The following AQR variants were observed in gnomAD, a reference collection of about 807,000 sequenced individuals.
AQR encodes aquarius intron-binding spliceosomal factor, also known as RNA helicase aquarius.
In AQR, 61 loss-of-function variants were observed where a neutral mutation model predicts 180.5. The observed-to-expected ratio is 0.34, with a 90% CI of 0.28 to 0.42. AQR has a LOEUF of 0.42. Ranked by LOEUF, AQR falls within the 10% of genes least tolerant of loss-of-function variation. AQR has a pLI of 1.00. For missense variants in AQR, 1,281 were observed against 1,798.3 expected (o/e 0.71, Z 5.20); for synonymous variants, 551 against 588.8 (o/e 0.94, Z 0.93).
chr15:34,871,035 T>C (rs1248986262), intron 30 of AQR, 113 bp from the exon 31 acceptor site: 5 of 972,962 alleles, frequency 5.1e-6, no homozygotes, highest in Non-Finnish European at 7.5e-6. Flanking sequence ...CTGCAAGAAG[T>C]GAAGACTTAG....
At chr15:34,950,923 C>T (rs889105869) in intron 4 of AQR, among the ~76,000 whole-genome samples, 1 of 152,144 alleles carries the variant, frequency 6.6e-6, no homozygotes, top group Non-Finnish European at 1.5e-5. Context: ...AAAGTCTTAT[C>T]TTGGGTGTTA....
chr15:34,884,738 T>A lies in AQR; in HGVS notation c.2818-4A>T, dbSNP rs749610526. On this transcript the variant is annotated splice_region_variant and splice_polypyrimidine_tract_variant and intron_variant, in intron 25 of 34. Transcript: ENST00000156471. ...ACTCTTCCCAGCGAGACATTACCTG[T>A]AGAAAAAAGGACTTGAAGTTAACTG... 5 of 1,589,406 alleles carry A rather than the reference T, an allele frequency of 3.1e-6. No individual in the cohort carries two copies. In the South Asian group the frequency reaches 5.8e-5, roughly 19 times the overall value.
chr15:34,941,236 CAATT>C (rs949577039), intron 7 of AQR, among the ~76,000 whole-genome samples: 8 of 152,214 alleles, frequency 5.3e-5, no homozygotes, highest in Middle Eastern at 3.4e-3. Flanking sequence ...GCTCAATAAT[CAATT>C]AATTTTTTAT....
chr15:34,924,132 G>A (rs1393793445), intron 13 of AQR, among the ~76,000 whole-genome samples: 1 of 152,092 alleles, frequency 6.6e-6, no homozygotes, highest in East Asian at 1.9e-4. Context: ...AATTTTTAAA[G>A]AAACTACCAC....
intron 23 of AQR, among the ~76,000 whole-genome samples, chr15:34,891,428 T>G (rs1047282197): frequency 2.6e-5 from 4 of 152,172 alleles, no homozygotes; most frequent in Non-Finnish European, 5.9e-5. Flanking sequence ...GAATTATACA[T>G]GCAAATGAAG....
At chr15:34,887,389 C>T (rs915888493) in intron 24 of AQR, among the ~76,000 whole-genome samples, 1 of 152,198 alleles carries the variant, frequency 6.6e-6, no homozygotes, top group Non-Finnish European at 1.5e-5. Context: ...TTTTACACTA[C>T]ATAAAAGTAG....
chr15:34,854,075 A>T lies in AQR; in HGVS notation c.*2717T>A, dbSNP rs557168591. The T allele has an allele frequency of 5.3e-5, 8 of 151,942 alleles. No homozygotes were observed. The highest frequency in any genetic ancestry group is 1.9e-4 in the African/African-American group (8 of 41,352). The allele number at this position is 151,942 out of a possible 1,614,324, so 9.4% of individuals were successfully genotyped here. On this transcript the variant is annotated 3_prime_UTR_variant, in exon 35 of 35. Transcript: ENST00000156471. ...CTTTGGGAGTCTTGATGATGTTTAA[A>T]TCTTCTCATTCATTTGCCTAAATCA...
chr15:34,934,954 T>TA (rs777094911), intron 9 of AQR, among the ~76,000 whole-genome samples: 4 of 152,222 alleles, frequency 2.6e-5, no homozygotes, highest in African/African-American at 7.2e-5. Context: ...TGAAAAAACT[T>TA]AGAGATATAA....
chr15:34,899,151 G>A (rs1346808289), intron 20 of AQR, among the ~76,000 whole-genome samples: 3 of 151,762 alleles, frequency 2.0e-5, no homozygotes, highest in Non-Finnish European at 4.4e-5. Context: ...CAGCCTGGGC[G>A]ACAGAGCAAG....
intron 16 of AQR, among the ~76,000 whole-genome samples, chr15:34,912,944 G>T (rs1323417895): frequency 2.6e-5 from 4 of 152,156 alleles, no homozygotes; most frequent in African/African-American, 4.8e-5. Context: ...CAATGGCTTG[G>T]TTAGTATTGG....
intron 20 of AQR, among the ~76,000 whole-genome samples, chr15:34,897,987 A>G (rs140763321): frequency 5.5e-4 from 84 of 152,314 alleles, no homozygotes; most frequent in African/African-American, 1.8e-3. Flanking sequence ...TGTTTTATTC[A>G]TTGTCTGTCC....
At chr15:34,955,626 C>T (rs939644357) in intron 3 of AQR, among the ~76,000 whole-genome samples, 7 of 152,068 alleles carry the variant, frequency 4.6e-5, no homozygotes, top group Non-Finnish European at 1.0e-4. Flanking sequence ...AAGCCAGCTA[C>T]GCCAGGCACA....
At chr15:34,964,709 TC>T (rs11325754) in intron 1 of AQR, among the ~76,000 whole-genome samples, 100,145 of 151,160 alleles carry the variant, frequency 0.66, 34,636 homozygotes, top group South Asian at 0.78. Flanking sequence ...ATGAATGCTT[TC>T]CTAAAATAAT....
intron 3 of AQR, among the ~76,000 whole-genome samples, chr15:34,959,114 CT>C (rs1894378013): frequency 6.6e-6 from 1 of 152,160 alleles, no homozygotes; most frequent in Non-Finnish European, 1.5e-5. Context: ...TTCTGTTGTA[CT>C]GTTAGCATCG....
rs1224294637 is a variant in AQR, at chr15:34,852,192, A to T, written c.*4600T>A. The T allele has an allele frequency of 2.8e-4, 39 of 137,202 alleles. No individual in the cohort carries two copies. Among genetic ancestry groups the T allele is most frequent in the African/African-American group, 1.1e-3 (36 of 34,046 alleles). 8.5% of individuals were successfully genotyped at this position (137,202 alleles called of 1,614,324 possible). A position where few individuals can be genotyped will look rare whatever the true frequency, so the allele number is the denominator to read the frequency against. Reference sequence around the variant, plus strand: ...AAGTTATGTTTTTTTTTTTTTTTTGAAGGAGTTTTTGCTCGTCGCCCAGGC... The same window carrying T: ...AAGTTATGTTTTTTTTTTTTTTTTGTAGGAGTTTTTGCTCGTCGCCCAGGC... On this transcript the variant is annotated 3_prime_UTR_variant, in exon 35 of 35. Coordinates refer to ENST00000156471, the MANE Select transcript of AQR (RefSeq NM_014691.3).
At chr15:34,893,067 C>G (rs1388241885) in intron 23 of AQR, among the ~76,000 whole-genome samples, 1 of 152,098 alleles carries the variant, frequency 6.6e-6, no homozygotes. Flanking sequence ...TTCATGAATC[C>G]TCTGCTCCTT....
At position 34,960,825 on chromosome 15, in the gene AQR, A is replaced by T; in HGVS notation, c.133-11T>A. On this transcript the variant is annotated splice_polypyrimidine_tract_variant and intron_variant, in intron 2 of 34. Transcript: ENST00000156471. The stretch of plus-strand genomic sequence containing the variant: ...TATATCTTCAATAACCTGTTATAAA[A>T]ATATAAAAATGTTTAATATCTCAAC... 1 of 850,898 alleles carries T rather than the reference A, an allele frequency of 1.2e-6. No individual in the cohort carries two copies. Among genetic ancestry groups the T allele is most frequent in the Admixed American group, 2.9e-5 (1 of 33,922 alleles). The allele number at this position is 850,898 out of a possible 1,614,324, so 52.7% of individuals were successfully genotyped here. A position where few individuals can be genotyped will look rare whatever the true frequency, so the allele number is the denominator to read the frequency against.
chr15:34,942,998 A>G (rs1894049047), intron 6 of AQR: 1 of 1,423,516 alleles, frequency 7.0e-7, no homozygotes, highest in Non-Finnish European at 9.6e-7. Flanking sequence ...TAAAAAAATC[A>G]CATCTATTTA....
chr15:34,896,828 A>G lies in AQR; in HGVS notation c.2460+69T>C, dbSNP rs1266571491. ...CGCGCCACTGCACTCCGGCATGGGC[A>G]ACAAAAGTGAAACTCCATCTCAGAA... is the stretch of plus-strand genomic sequence containing the variant. On this transcript the variant is annotated intron_variant, in intron 22 of 34. Transcript: ENST00000156471. 50 of 1,417,696 alleles carry G rather than the reference A, an allele frequency of 3.5e-5. No homozygotes were observed. In the East Asian group the frequency reaches 1.1e-3, roughly 32 times the overall value. 87.8% of individuals were successfully genotyped at this position (1,417,696 alleles called of 1,614,324 possible). A position where few individuals can be genotyped will look rare whatever the true frequency, so the allele number is the denominator to read the frequency against.
Sources: gnomAD v4.1 joint callset for allele counts (sites outside exome capture counted in the v4.1 genomes callset) on GRCh38, gnomAD v4.1.1 for gene constraint, MANE v1.5 for transcripts, NCBI Gene and HGNC (gene_info 2026-07-23, HGNC 2026-07-21) for gene names.